Variants in SEC11C observed in about 807,000 individuals in gnomAD.
SEC11C encodes the protein SEC11 homolog C, signal peptidase complex subunit.
A neutral mutation model predicts 21.9 loss-of-function variants in SEC11C; 10 were observed. That is an observed-to-expected ratio of 0.46 (90% CI 0.28 to 0.77). The LOEUF (loss-of-function observed/expected upper bound fraction) is 0.77. Among genes scored for constraint, SEC11C ranks in the 30% least tolerant of loss-of-function variants. The pLI is 0.12. For synonymous variants in SEC11C, 83 were observed against 85.6 expected, an observed-to-expected ratio of 0.97 and a Z score of 0.17; for missense variants, 145 against 244.5, an observed-to-expected ratio of 0.59 and a Z score of 2.71.
intron 5 of SEC11C, among the ~76,000 whole-genome samples, chr18:59,158,020 G>GTA (rs780649877): frequency 2.0e-5 from 3 of 151,750 alleles, no homozygotes; most frequent in South Asian, 2.1e-4. Context: ...ACACATATAT[G>GTA]TATATATATA....
chr18:59,158,511 G>A (rs2069444956), intron 5 of SEC11C, 121 bp from the exon 6 acceptor site: 1 of 780,622 alleles, frequency 1.3e-6, no homozygotes, highest in Non-Finnish European at 2.1e-6. Context: ...GCCATGGGGG[G>A]AAGAGGTAAT....
At chr18:59,151,192 G>A (rs1171047422) in intron 2 of SEC11C, among the ~76,000 whole-genome samples, 4 of 152,074 alleles carry the variant, frequency 2.6e-5, no homozygotes, top group Non-Finnish European at 4.4e-5. Flanking sequence ...GTCTGTGCAG[G>A]GATCTTTTCC....
chr18:59,140,863 C>G (rs1201245201), intron 1 of SEC11C, among the ~76,000 whole-genome samples: 1 of 152,062 alleles, frequency 6.6e-6, no homozygotes, highest in Non-Finnish European at 1.5e-5. Flanking sequence ...GGAAAGGAAG[C>G]CCTCTCAGTC....
At chr18:59,156,782 T>A (rs1438826084) in intron 4 of SEC11C, 4 of 152,250 alleles carry the variant, frequency 2.6e-5, no homozygotes, top group African/African-American at 9.6e-5. Flanking sequence ...GCGTTATTAG[T>A]CAGATTGTGG....
chr18:59,151,506 A>G (rs2069354300), intron 2 of SEC11C, among the ~76,000 whole-genome samples: 2 of 152,108 alleles, frequency 1.3e-5, no homozygotes, highest in Non-Finnish European at 1.5e-5. Flanking sequence ...ATCCATGTCC[A>G]TACTTAGTGG....
At chr18:59,154,693 A>G (rs915518922) in intron 3 of SEC11C, among the ~76,000 whole-genome samples, 11 of 152,240 alleles carry the variant, frequency 7.2e-5, no homozygotes, top group Non-Finnish European at 1.5e-4. Flanking sequence ...TTGGATTTAA[A>G]TTACTTTGTG....
chr18:59,151,253 A>G (rs1432408016), intron 2 of SEC11C, among the ~76,000 whole-genome samples: 1 of 151,570 alleles, frequency 6.6e-6, no homozygotes, highest in African/African-American at 2.4e-5. Flanking sequence ...TTCCCACTGT[A>G]TCTTCAGGAA....
chr18:59,141,953 T>A (rs1603376133), intron 1 of SEC11C, among the ~76,000 whole-genome samples: 1 of 152,174 alleles, frequency 6.6e-6, no homozygotes, highest in Non-Finnish European at 1.5e-5. Context: ...AATGACTGAG[T>A]ATGGACTTAG....
At chr18:59,157,542 T>C in intron 4 of SEC11C, 66 bp from the exon 5 acceptor site, 2 of 1,055,310 alleles carry the variant, frequency 1.9e-6, no homozygotes, top group Non-Finnish European at 3.0e-6. Flanking sequence ...TATAGTGTTT[T>C]CAGATGTTGC....
At chr18:59,154,119 T>C (rs1251264340) in intron 3 of SEC11C, among the ~76,000 whole-genome samples, 1 of 152,238 alleles carries the variant, frequency 6.6e-6, no homozygotes, top group Non-Finnish European at 1.5e-5. Context: ...ACTGGTCCTG[T>C]ACTAACGGTT....
rs1305901246 is a variant in SEC11C, at chr18:59,139,936, C to G, written c.-13C>G. 1 of 1,531,374 alleles carries G rather than the reference C, an allele frequency of 6.5e-7. No homozygotes were observed. The highest frequency in any genetic ancestry group is 8.8e-7 in the Non-Finnish European group (1 of 1,136,166). The allele number at this position is 1,531,374 out of a possible 1,614,324, so 94.9% of individuals were successfully genotyped here. A position where few individuals can be genotyped will look rare whatever the true frequency, so the allele number is the denominator to read the frequency against. On this transcript the variant is annotated 5_prime_UTR_variant, in exon 1 of 6. Coordinates refer to ENST00000587834, the MANE Select transcript of SEC11C (RefSeq NM_033280.4). ...CAGAGCCGGCGGGCCGCTAGGTCCC[C>G]GGAGACCCTGCTATGGTGCGTGCGG...
chr18:59,151,319 CT>C (rs34093810), intron 2 of SEC11C, among the ~76,000 whole-genome samples: 77,080 of 145,708 alleles, frequency 0.53, 20,476 homozygotes, highest in East Asian at 0.85. Flanking sequence ...AGCATTTTAG[CT>C]TTTTTTTTTT....
chr18:59,140,714 G>GT (rs370009518), intron 1 of SEC11C, among the ~76,000 whole-genome samples: 1 of 152,284 alleles, frequency 6.6e-6, no homozygotes, highest in African/African-American at 2.4e-5. Context: ...GGCAGCTGGG[G>GT]TGGTTGAATT....
intron 1 of SEC11C, among the ~76,000 whole-genome samples, chr18:59,144,768 AAAGG>A (rs2069251429): frequency 6.6e-6 from 1 of 151,830 alleles, no homozygotes; most frequent in Non-Finnish European, 1.5e-5. Context: ...AAACAAAAAA[AAAGG>A]AAGGGGTTGC....
intron 1 of SEC11C, among the ~76,000 whole-genome samples, chr18:59,144,388 C>G (rs2069246376): frequency 6.6e-6 from 1 of 152,118 alleles, no homozygotes. Context: ...TTCTTGCTAG[C>G]ACTAAGTATT....
rs2069321229 is a variant in SEC11C at position 59,149,517 on chromosome 18, A to G, written c.92A>G (p.Tyr31Cys). The G allele has an allele frequency of 6.2e-7, 1 of 1,602,048 alleles. No individual in the cohort carries two copies. The change falls in exon 2 of 6, where the codon TAT becomes TGT. Residue 31 changes from tyrosine (Y) to cysteine (C), a missense_variant. Tyr to Cys is a radical substitution (Grantham distance 194). Transcript: ENST00000587834. ...GTTTCCTCTTTTTCATTCCAGCTCT[A>G]TTACCAGGTTTTAAACTTCGCCATG... Reference protein sequence around the residue: ...DLKKMNKRQLYYQVLNFAMIV... With the variant: ...DLKKMNKRQLCYQVLNFAMIV...
chr18:59,155,461 G>A (rs1245579671), intron 3 of SEC11C: 1 of 405,362 alleles, frequency 2.5e-6, no homozygotes, highest in Non-Finnish European at 4.5e-6. Flanking sequence ...TTGTTGTCAA[G>A]GATACTTGAG....
At chr18:59,153,576 A>C (rs2069384007) in intron 3 of SEC11C, among the ~76,000 whole-genome samples, 2 of 152,028 alleles carry the variant, frequency 1.3e-5, no homozygotes, top group Admixed American at 1.3e-4. Context: ...TTTGAGATGG[A>C]GTCTCACGCT....
intron 1 of SEC11C, among the ~76,000 whole-genome samples, chr18:59,148,766 G>A (rs2069311336): frequency 2.6e-5 from 4 of 152,062 alleles, no homozygotes; most frequent in Admixed American, 6.5e-5. Context: ...GGCGCCCACC[G>A]CCACGCCCGG....
Sources: gnomAD v4.1 joint callset for allele counts (sites outside exome capture counted in the v4.1 genomes callset) on GRCh38, gnomAD v4.1.1 for gene constraint, MANE v1.5 for transcripts, NCBI Gene and HGNC (gene_info 2026-07-23, HGNC 2026-07-21) for gene names.